XPO4: variants seen among roughly 807,000 people sequenced by gnomAD.
XPO4 encodes exportin 4.
XPO4 carries 39 observed loss-of-function variants against 143.0 expected under a neutral mutation model. The observed-to-expected ratio is 0.27, with a 90% confidence interval of 0.21 to 0.36. The LOEUF is 0.36. Among genes scored for constraint, XPO4 ranks in the 10% least tolerant of loss-of-function variants. The pLI is 1.00. For synonymous variants in XPO4, 439 were observed against 474.0 expected (o/e 0.93, Z 0.96); for missense variants, 907 against 1,348.0 (o/e 0.67, Z 5.12).
At position 20,786,946 on chromosome 13, in the gene XPO4, A is replaced by G. The variant is rs1479464108; in HGVS notation, c.3258+19T>C. On this transcript the variant is annotated intron_variant, in intron 22 of 22. Coordinates refer to ENST00000255305, the MANE Select transcript of XPO4 (RefSeq NM_022459.5). ...AAATAGAATGAGAAGAGTCCCCTGA[A>G]AAGAGGCATGTCCAGTACCTGGTGC... 7 of 1,540,732 alleles carry G rather than the reference A, an allele frequency of 4.5e-6. No homozygotes were observed. Among genetic ancestry groups the G allele is most frequent in the Non-Finnish European group, 5.2e-6 (6 of 1,143,234 alleles).
chr13:20,831,982 C>A lies in XPO4; in HGVS notation c.728-4803G>T, dbSNP rs1035414600. Among the ~76,000 whole-genome samples the A allele has an allele frequency of 3.9e-5, 6 of 152,034 alleles. 1 individual carries two copies. The highest frequency in any genetic ancestry group is 3.3e-4 in the Admixed American group (5 of 15,258). On this transcript the variant is annotated intron_variant, in intron 6 of 22. Coordinates refer to ENST00000255305, the MANE Select transcript of XPO4 (RefSeq NM_022459.5). Reference sequence around the variant, plus strand: ...CCAGCTACATGTAAATTCAACTGCACCACAGAAGAGTGAAGAATCAACTCT... The same window carrying A: ...CCAGCTACATGTAAATTCAACTGCAACACAGAAGAGTGAAGAATCAACTCT...
At chr13:20,785,906 G>GGAGA (rs2059197132) in intron 22 of XPO4, among the ~76,000 whole-genome samples, 1 of 144,994 alleles carries the variant, frequency 6.9e-6, no homozygotes, top group Admixed American at 7.0e-5. Context: ...GAAAGAGGAG[G>GGAGA]GAGGAAGGAA....
chr13:20,786,861 G>C, intron 22 of XPO4, 104 bp downstream of exon 22: 1 of 832,032 alleles, frequency 1.2e-6, no homozygotes, highest in Non-Finnish European at 1.8e-6. Context: ...GAAGCACTGA[G>C]TCACAGATCC....
intron 16 of XPO4, among the ~76,000 whole-genome samples, chr13:20,797,432 C>T (rs2059373560): frequency 6.6e-6 from 1 of 152,198 alleles, no homozygotes; most frequent in Non-Finnish European, 1.5e-5. Flanking sequence ...AAGCCCAATT[C>T]AAAGTTCTTG....
chr13:20,898,573 A>G (rs1595175554), intron 1 of XPO4, among the ~76,000 whole-genome samples: 1 of 148,474 alleles, frequency 6.7e-6, no homozygotes, highest in South Asian at 2.1e-4. Context: ...AAGAAAAAGG[A>G]AAAAAAAAAC....
intron 2 of XPO4, chr13:20,866,064 A>G (rs1296242540): frequency 2.0e-6 from 2 of 985,462 alleles, no homozygotes; most frequent in Non-Finnish European, 2.4e-6. Context: ...AAGTAAGCCA[A>G]TCCCTCACAG....
chr13:20,804,937 T>A (rs1366980385), intron 13 of XPO4, among the ~76,000 whole-genome samples: 4 of 142,898 alleles, frequency 2.8e-5, no homozygotes, highest in African/African-American at 5.2e-5. Flanking sequence ...TACTCTCGGG[T>A]TTTTTTGCAT....
chr13:20,898,075 T>C (rs1369996935), intron 1 of XPO4, among the ~76,000 whole-genome samples: 1 of 152,176 alleles, frequency 6.6e-6, no homozygotes, highest in Non-Finnish European at 1.5e-5. Flanking sequence ...TTATAAGGTT[T>C]AGGAATATCT....
rs780029682 is a variant in XPO4 at position 20,902,713 on chromosome 13, G to A, written c.26C>T (p.Pro9Leu). 7.0e-6 allele frequency: 11 copies of A among 1,566,052 alleles called. No individual in the cohort carries two copies. Among genetic ancestry groups the A allele is most frequent in the Admixed American group, 1.8e-5 (1 of 54,504 alleles). The change falls in exon 1 of 23, where the codon CCA becomes CTA. Residue 9 changes from proline (P) to leucine (L), a missense_variant. Pro to Leu is a moderately conservative substitution (Grantham distance 98). Transcript: ENST00000255305. ...GTTCTCCAGCTGAGCGATCACTTCT[G>A]GGGGCCCCAGCGCCGCCGCCATCAT... MMAAALGP[P>L]EVIAQLENAA...
At chr13:20,868,275 C>T (rs77968898) in intron 2 of XPO4, 3,987 of 193,704 alleles carry the variant, frequency 0.021, 177 homozygotes, top group African/African-American at 0.089. Context: ...ATAGTACATA[C>T]CCTGTAATAA....
intron 9 of XPO4, among the ~76,000 whole-genome samples, chr13:20,814,473 G>T (rs1266081830): frequency 6.6e-6 from 1 of 152,220 alleles, no homozygotes; most frequent in Non-Finnish European, 1.5e-5. Context: ...ACAGCCTTCT[G>T]GTTTCTTTTG....
At chr13:20,814,833 G>A (rs956125758) in intron 9 of XPO4, among the ~76,000 whole-genome samples, 1 of 152,174 alleles carries the variant, frequency 6.6e-6, no homozygotes, top group African/African-American at 2.4e-5. Context: ...TATGATATCA[G>A]CACTTATCTC....
chr13:20,869,675 C>A (rs2060276226), intron 1 of XPO4: 1 of 739,884 alleles, frequency 1.4e-6, no homozygotes, highest in South Asian at 6.2e-5. Flanking sequence ...AAGTTATTCA[C>A]CCAGGAAAAA....
rs539203310 is a variant in XPO4, at chr13:20,846,806, A to C, written c.457-2920T>G. ...TTATATATCATTGATATAAACCCAAATATAGTTTTACATTCTACTTTTCCA... is the reference window on the plus strand; with the variant it reads ...TTATATATCATTGATATAAACCCAACTATAGTTTTACATTCTACTTTTCCA... On this transcript the variant is annotated intron_variant, in intron 4 of 22. Transcript: ENST00000255305. Among the ~76,000 whole-genome samples the C allele has an allele frequency of 2.6e-5, 4 of 152,158 alleles. No homozygotes were observed. The South Asian group carries it at 8.3e-4, about 32-fold the overall frequency.
At chr13:20,890,736 A>G (rs994397146) in intron 1 of XPO4, among the ~76,000 whole-genome samples, 3 of 140,786 alleles carry the variant, frequency 2.1e-5, no homozygotes, top group Non-Finnish European at 3.0e-5. Context: ...GAGGCAGAGG[A>G]TGGCGTGAGC....
At chr13:20,813,622 A>G (rs1238367814) in intron 9 of XPO4, among the ~76,000 whole-genome samples, 1 of 152,170 alleles carries the variant, frequency 6.6e-6, no homozygotes, top group Admixed American at 6.5e-5. Flanking sequence ...GAACATTTAC[A>G]TACTCTCTGA....
Position 20,794,509 on chromosome 13 carries a change from A to G in XPO4, c.2797+1567T>C, listed in dbSNP as rs530367682. 2.2e-4 allele frequency among the ~76,000 whole-genome samples: 33 copies of G among 152,326 alleles called. No individual in the cohort carries two copies. In the South Asian group the frequency reaches 6.6e-3, roughly 31 times the overall value. On this transcript the variant is annotated intron_variant, in intron 18 of 22. Transcript: ENST00000255305. ...ACAAGATTCTTAACCTGGGTTCCTGACACACCTGGAAAATGTATAGAAGAG... is the reference window on the plus strand; with the variant it reads ...ACAAGATTCTTAACCTGGGTTCCTGGCACACCTGGAAAATGTATAGAAGAG...
chr13:20,898,518 T>C (rs908512563), intron 1 of XPO4, among the ~76,000 whole-genome samples: 49 of 152,112 alleles, frequency 3.2e-4, no homozygotes, highest in African/African-American at 9.7e-4. Context: ...TGAGCTGAGA[T>C]TGTGCCATTG....
chr13:20,829,665 A>C (rs1480432569), intron 6 of XPO4, among the ~76,000 whole-genome samples: 15 of 152,200 alleles, frequency 9.9e-5, no homozygotes, highest in African/African-American at 2.7e-4. Flanking sequence ...AATCATATTT[A>C]TAAATTTTGC....
Sources: allele counts gnomAD v4.1 joint callset (sites outside exome capture counted in the v4.1 genomes callset), GRCh38; gene constraint gnomAD v4.1.1; transcripts MANE v1.5; gene names NCBI Gene and HGNC (gene_info 2026-07-23, HGNC 2026-07-21).